The following CDH9 variants were observed in gnomAD, a reference collection of about 807,000 sequenced individuals.
CDH9 encodes the protein cadherin 9.
A neutral mutation model predicts 70.9 loss-of-function variants in CDH9; 28 were observed. That is an observed-to-expected ratio of 0.40 (90% CI 0.29 to 0.54). The LOEUF (loss-of-function observed/expected upper bound fraction) is 0.54. CDH9 is among the 20% of genes least tolerant of loss of function. The pLI is 0.59. For missense variants in CDH9, 874 were observed against 984.4 expected, an observed-to-expected ratio of 0.89 and a Z score of 1.50; for synonymous variants, 409 against 343.1, an observed-to-expected ratio of 1.19 and a Z score of -2.12.
At position 26,881,213 on chromosome 5, in the gene CDH9, C is replaced by G; in HGVS notation, c.2293G>C (p.Asp765His). 6.2e-7 allele frequency: 1 copy of G among 1,613,272 alleles called. No individual in the cohort carries two copies. The highest frequency in any genetic ancestry group is 2.2e-5 in the East Asian group (1 of 44,872). The change falls in exon 12 of 12, where the codon GAT becomes CAT. Residue 765 changes from aspartate to histidine, a missense_variant. Transcript: ENST00000231021. ...CGAGGCCCCCAGTCACTGAGGTAAT[C>G]ATAATCTTGGTTACAATCAGCTGTG... ...SLTADCNQDY[D>H]YLSDWGPRFK...
chr5:26,940,753 T>G (rs1266675335), intron 2 of CDH9, among the ~76,000 whole-genome samples: 1 of 152,110 alleles, frequency 6.6e-6, no homozygotes, highest in Non-Finnish European at 1.5e-5. Context: ...CATAGAACAG[T>G]GGAATTGATT....
intron 3 of CDH9, among the ~76,000 whole-genome samples, chr5:26,909,521 G>A (rs16896370): frequency 0.21 from 31,075 of 149,700 alleles, 3,474 homozygotes; most frequent in South Asian, 0.36. Context: ...ACACGATTTT[G>A]AGACCATTTT....
At position 26,881,608 on chromosome 5, in the gene CDH9, A is replaced by T. The variant is rs778070001; in HGVS notation, c.1898T>A (p.Phe633Tyr). The T allele has an allele frequency of 6.2e-7, 1 of 1,609,158 alleles. No homozygotes were observed. The highest frequency in any genetic ancestry group is 8.5e-7 in the Non-Finnish European group (1 of 1,178,640). ...TTTTCTTTGCCTCTTCAATGCAGCA[A>T]ACAACACGACTAAAACTATTAATAA... ...VLILLILVVLFAALKRQRKKE... is the reference protein window; with the variant it reads ...VLILLILVVLYAALKRQRKKE... Residue 633 changes from phenylalanine (F) to tyrosine (Y), a missense_variant, in exon 12 of 12, where the codon TTT becomes TAT. Coordinates refer to ENST00000231021, the MANE Select transcript of CDH9 (RefSeq NM_016279.4).
intron 7 of CDH9, among the ~76,000 whole-genome samples, chr5:26,900,720 A>C (rs1740840689): frequency 6.6e-6 from 1 of 152,110 alleles, no homozygotes; most frequent in Admixed American, 6.6e-5. Context: ...AATTACTTCT[A>C]AAATGAATGT....
At chr5:26,922,425 T>C (rs762529594) in intron 2 of CDH9, among the ~76,000 whole-genome samples, 5 of 151,818 alleles carry the variant, frequency 3.3e-5, no homozygotes, top group Non-Finnish European at 7.4e-5. Context: ...TAAGAGAGAG[T>C]GGCACAACAT....
At chr5:26,993,797 A>G (rs765394990) in intron 1 of CDH9, among the ~76,000 whole-genome samples, 7 of 150,390 alleles carry the variant, frequency 4.7e-5, no homozygotes, top group Admixed American at 2.0e-4. Flanking sequence ...CAAAGGAGGG[A>G]CTATTGCCTC....
rs773597398 is a variant in CDH9 at position 26,988,310 on chromosome 5, T to C, written c.24A>G (p.Pro8=). The part of the protein sequence containing the change: MRTYHYI[P]LFIWTYMFHT... ...GGAACATATAGGTCCAGATGAATAA[T>C]GGTATATAATGGTAAGTCCTCATTA... is the stretch of plus-strand genomic sequence containing the variant. The change falls in exon 2 of 12, where the codon CCA becomes CCG. Residue 8 remains proline, a synonymous_variant. Transcript: ENST00000231021. 1.5e-5 allele frequency: 24 copies of C among 1,612,836 alleles called. No individual in the cohort carries two copies. Among genetic ancestry groups the C allele is most frequent in the Middle Eastern group, 1.6e-4 (1 of 6,062 alleles).
At chr5:26,883,304 T>C (rs909914679) in intron 11 of CDH9, among the ~76,000 whole-genome samples, 1 of 151,224 alleles carries the variant, frequency 6.6e-6, no homozygotes, top group Non-Finnish European at 1.5e-5. Flanking sequence ...GTATTAAGGG[T>C]TTCTCAACTA....
At chr5:26,932,118 T>C (rs1741473593) in intron 2 of CDH9, among the ~76,000 whole-genome samples, 2 of 77,800 alleles carry the variant, frequency 2.6e-5, no homozygotes, top group South Asian at 1.7e-3. Context: ...TTTTCAAATA[T>C]TTGAATATCA....
At chr5:26,936,119 G>GA (rs1282958738) in intron 2 of CDH9, among the ~76,000 whole-genome samples, 55 of 151,860 alleles carry the variant, frequency 3.6e-4, no homozygotes, top group Admixed American at 3.6e-3. Flanking sequence ...GGGGGTGAGA[G>GA]AAAAAAGTGT....
intron 1 of CDH9, among the ~76,000 whole-genome samples, chr5:27,031,263 A>T (rs981298416): frequency 6.6e-6 from 1 of 151,886 alleles, no homozygotes; most frequent in Non-Finnish European, 1.5e-5. Flanking sequence ...ATGACTATAC[A>T]TAGAATTCTA....
intron 2 of CDH9, among the ~76,000 whole-genome samples, chr5:26,984,070 C>T (rs976641110): frequency 2.0e-5 from 3 of 152,014 alleles, no homozygotes; most frequent in African/African-American, 7.2e-5. Flanking sequence ...ACAGATAAAC[C>T]AATTGTAACC....
chr5:26,892,054 C>T (rs1336832107), intron 7 of CDH9, among the ~76,000 whole-genome samples: 2 of 152,118 alleles, frequency 1.3e-5, no homozygotes, highest in African/African-American at 2.4e-5. Flanking sequence ...ACATACTGAA[C>T]TTCTGATCCA....
intron 2 of CDH9, among the ~76,000 whole-genome samples, chr5:26,957,452 AGGAGTTCCAGACAAGCCT>A (rs779086415): frequency 1.7e-4 from 26 of 152,254 alleles, no homozygotes; most frequent in Non-Finnish European, 2.6e-4. Context: ...ACCTGAGGTC[AGGAGTTCCAGACAAGCCT>A]GGCCAACATG....
At chr5:26,939,084 G>T (rs1041050144) in intron 2 of CDH9, among the ~76,000 whole-genome samples, 5 of 150,792 alleles carry the variant, frequency 3.3e-5, no homozygotes, top group African/African-American at 4.9e-5. Flanking sequence ...TTTAAATAGA[G>T]GAATAATTTC....
At chr5:26,971,564 A>G (rs1224772112) in intron 2 of CDH9, among the ~76,000 whole-genome samples, 5 of 152,216 alleles carry the variant, frequency 3.3e-5, no homozygotes, top group Non-Finnish European at 7.4e-5. Flanking sequence ...AAAATCAACT[A>G]CATGGCTGAA....
intron 1 of CDH9, among the ~76,000 whole-genome samples, chr5:26,991,979 C>T (rs1579499282): frequency 6.6e-6 from 1 of 152,270 alleles, no homozygotes; most frequent in African/African-American, 2.4e-5. Flanking sequence ...AATACATACG[C>T]ACACATATAC....
chr5:26,984,458 T>A (rs1423342671), intron 2 of CDH9, among the ~76,000 whole-genome samples: 1 of 152,148 alleles, frequency 6.6e-6, no homozygotes, highest in Non-Finnish European at 1.5e-5. Flanking sequence ...AAAATAAATG[T>A]GGTTTAACAA....
chr5:27,014,761 G>T (rs1009228963), intron 1 of CDH9, among the ~76,000 whole-genome samples: 8 of 151,744 alleles, frequency 5.3e-5, no homozygotes, highest in Non-Finnish European at 1.2e-4. Context: ...AATTATCACT[G>T]GTTCATACAA....
Sources: allele counts gnomAD v4.1 joint callset (sites outside exome capture counted in the v4.1 genomes callset), GRCh38; gene constraint gnomAD v4.1.1; transcripts MANE v1.5; gene names NCBI Gene and HGNC (gene_info 2026-07-23, HGNC 2026-07-21).